The following LMOD1 variants were observed in gnomAD, a reference collection of about 807,000 sequenced individuals.
The protein encoded by LMOD1 is leiomodin-1.
In LMOD1, 8 loss-of-function variants were observed where a neutral mutation model predicts 36.5. The ratio of observed to expected loss-of-function variants is 0.22; its 90% CI spans 0.13 to 0.40. The LOEUF (loss-of-function observed/expected upper bound fraction) is 0.40, where lower values mean the gene tolerates loss of function less well. Among genes scored for constraint, LMOD1 ranks in the 10% least tolerant of loss-of-function variants. LMOD1 has a pLI of 1.00. For missense variants in LMOD1, 630 were observed against 751.1 expected (o/e 0.84, Z 1.88); for synonymous variants, 284 against 288.7 (o/e 0.98, Z 0.17).
chr1:201,930,025 G>T (rs969204113), intron 1 of LMOD1, among the ~76,000 whole-genome samples: 1 of 152,130 alleles, frequency 6.6e-6, no homozygotes, highest in African/African-American at 2.4e-5. Flanking sequence ...CCCAGTTGGA[G>T]GCGACAATAT....
chr1:201,940,525 CAGGCACCCAGA>C (rs1052399857), intron 1 of LMOD1, among the ~76,000 whole-genome samples: 4 of 151,988 alleles, frequency 2.6e-5, no homozygotes, highest in South Asian at 2.1e-4. Flanking sequence ...AAGGAGAAGG[CAGGCACCCAGA>C]GGGCAGCACT....
At chr1:201,938,996 T>C (rs1194861215) in intron 1 of LMOD1, among the ~76,000 whole-genome samples, 1 of 152,184 alleles carries the variant, frequency 6.6e-6, no homozygotes, top group East Asian at 1.9e-4. Flanking sequence ...CCCCTGAGCC[T>C]GTGACATAAA....
chr1:201,901,513 T>A (rs190005601), intron 1 of LMOD1, among the ~76,000 whole-genome samples: 11,933 of 43,632 alleles, frequency 0.27, 1,720 homozygotes, highest in East Asian at 0.64. Context: ...AAAAAAAAAA[T>A]ATATATATAT....
intron 1 of LMOD1, among the ~76,000 whole-genome samples, chr1:201,945,722 C>T (rs1384478476): frequency 1.3e-5 from 2 of 152,154 alleles, no homozygotes; most frequent in Non-Finnish European, 2.9e-5. Flanking sequence ...CTTTTTACCC[C>T]TCCTCACAAT....
intron 1 of LMOD1, among the ~76,000 whole-genome samples, chr1:201,917,753 A>G (rs1234997461): frequency 6.6e-6 from 1 of 151,366 alleles, no homozygotes; most frequent in Non-Finnish European, 1.5e-5. Flanking sequence ...AATGTTGTAA[A>G]GATCTACACA....
chr1:201,899,583 T>G lies in LMOD1; in HGVS notation c.1430A>C (p.Lys477Thr), dbSNP rs1265850654. 1.9e-6 allele frequency: 3 copies of G among 1,612,706 alleles called. No homozygotes were observed. Among genetic ancestry groups the G allele is most frequent in the African/African-American group, 2.7e-5 (2 of 74,908 alleles). ...LSRNMDKQRQ[K>T]RLQEQRQAQE... is the part of the protein sequence containing the mutation. ...TGCCTGCCTTTGCTCCTGCAGCCGC[T>G]TTTGTCTCTGCTTGTCCATGTTGCG... is the stretch of plus-strand genomic sequence containing the variant. Residue 477 changes from lysine (K) to threonine (T), a missense_variant, in exon 2 of 3, where the codon AAG becomes ACG. Physicochemically the swap from Lys to Thr is moderately conservative, Grantham distance 78 (BLOSUM62 -1). Around this residue, in one of 3 missense-constraint regions of LMOD1, gnomAD observed 144 missense variants for 169.8 expected, o/e 0.85. Coordinates refer to ENST00000367288, the MANE Select transcript of LMOD1 (RefSeq NM_012134.3). The surrounding 1 kb of genome is among the most constrained non-coding windows in gnomAD (Gnocchi z 6.3).
At chr1:201,911,168 G>C (rs2820321) in intron 1 of LMOD1, among the ~76,000 whole-genome samples, 43,121 of 151,886 alleles carry the variant, frequency 0.28, 6,407 homozygotes, top group Non-Finnish European at 0.34. Context: ...ACTGGGCTCA[G>C]CTCTGGGGAC....
chr1:201,933,595 T>TTTTATATATATATATA (rs1553298744), intron 1 of LMOD1, among the ~76,000 whole-genome samples: 2 of 63,234 alleles, frequency 3.2e-5, no homozygotes, highest in African/African-American at 9.3e-5. Flanking sequence ...TATACATACA[T>TTTTATATATATATATA]TATATATATA....
At chr1:201,932,848 A>G (rs146936585) in intron 1 of LMOD1, among the ~76,000 whole-genome samples, 1 of 152,340 alleles carries the variant, frequency 6.6e-6, no homozygotes, top group East Asian at 1.9e-4. Flanking sequence ...TCTTTTCCTC[A>G]TGGAGACCTT....
intron 1 of LMOD1, among the ~76,000 whole-genome samples, chr1:201,919,725 C>T (rs1681669331): frequency 6.6e-6 from 1 of 152,184 alleles, no homozygotes; most frequent in Admixed American, 6.5e-5. Flanking sequence ...CCTGGTTCTG[C>T]TGTTTAAAAG....
intron 1 of LMOD1, among the ~76,000 whole-genome samples, chr1:201,935,746 AG>A (rs1682007500): frequency 6.6e-6 from 1 of 151,408 alleles, no homozygotes; most frequent in South Asian, 2.1e-4. Flanking sequence ...TAGTAGAGAC[AG>A]GGTTTCACCA....
chr1:201,938,766 G>T (rs1054227221), intron 1 of LMOD1, among the ~76,000 whole-genome samples: 3 of 152,196 alleles, frequency 2.0e-5, no homozygotes, highest in Admixed American at 6.5e-5. Flanking sequence ...AACAGGAGGT[G>T]CTTCTATTCC....
intron 1 of LMOD1, among the ~76,000 whole-genome samples, chr1:201,906,329 C>G (rs1215996381): frequency 6.6e-6 from 1 of 152,202 alleles, no homozygotes; most frequent in Non-Finnish European, 1.5e-5. Context: ...ACCTGTCCAT[C>G]CGCATCCTGC....
chr1:201,912,783 C>T (rs541500907), intron 1 of LMOD1, among the ~76,000 whole-genome samples: 9 of 152,106 alleles, frequency 5.9e-5, no homozygotes, highest in South Asian at 2.1e-4. Context: ...CACTTGAACC[C>T]GGGAGGCAGA....
chr1:201,910,288 T>G (rs951731346), intron 1 of LMOD1, among the ~76,000 whole-genome samples: 3 of 151,396 alleles, frequency 2.0e-5, no homozygotes, highest in Non-Finnish European at 4.4e-5. Flanking sequence ...TTTTTTTTTT[T>G]TTTGAGACAG....
At chr1:201,913,738 T>C (rs987055742) in intron 1 of LMOD1, among the ~76,000 whole-genome samples, 1 of 152,228 alleles carries the variant, frequency 6.6e-6, no homozygotes, top group Non-Finnish European at 1.5e-5. Flanking sequence ...GCTTAAGCCC[T>C]GCCAAATGGA....
At chr1:201,924,874 G>A (rs1681802144) in intron 1 of LMOD1, among the ~76,000 whole-genome samples, 1 of 152,048 alleles carries the variant, frequency 6.6e-6, no homozygotes, top group Admixed American at 6.6e-5. Flanking sequence ...GACAGAGCAA[G>A]ACCCTATCTC....
chr1:201,945,280 G>A (rs995125053), intron 1 of LMOD1, among the ~76,000 whole-genome samples: 2 of 152,140 alleles, frequency 1.3e-5, no homozygotes, highest in Non-Finnish European at 2.9e-5. Context: ...CATTGTAGGT[G>A]TGGGCAGATG....
intron 1 of LMOD1, among the ~76,000 whole-genome samples, chr1:201,923,442 C>T (rs1265964428): frequency 6.6e-6 from 1 of 152,126 alleles, no homozygotes; most frequent in East Asian, 1.9e-4. Flanking sequence ...GTGTTCAGAG[C>T]CAGCACAGTG....
Sources: gnomAD v4.1 joint callset for allele counts (sites outside exome capture counted in the v4.1 genomes callset) on GRCh38, gnomAD v4.1.1 for gene constraint, gnomAD v4.1.1 regional missense constraint, Gnocchi (gnomAD v3.1) non-coding constraint, MANE v1.5 for transcripts, NCBI Gene and HGNC (gene_info 2026-07-23, HGNC 2026-07-21) for gene names.